PCDHGB2: variants seen among roughly 807,000 people sequenced by gnomAD.
The protein encoded by PCDHGB2 is protocadherin gamma-B2.
Under a neutral mutation model 59.3 loss-of-function variants are expected in PCDHGB2, and 55 were observed. The ratio of observed to expected loss-of-function variants is 0.93; its 90% CI spans 0.75 to 1.16. The LOEUF (loss-of-function observed/expected upper bound fraction) is 1.16. PCDHGB2 is among the 50% of genes most tolerant of loss of function. PCDHGB2 has a pLI of 0.00. For synonymous variants in PCDHGB2, 516 were observed against 512.0 expected (o/e 1.01, Z -0.11); for missense variants, 1,228 against 1,198.5 (o/e 1.02, Z -0.36).
intron 1 of PCDHGB2, chr5:141,403,099 C>T (rs762392585): frequency 2.5e-6 from 4 of 1,613,938 alleles, no homozygotes; most frequent in Non-Finnish European, 2.5e-6. Flanking sequence ...GCAACATCTC[C>T]AAGGACCTGG....
At chr5:141,395,340 G>A in intron 1 of PCDHGB2, 2 of 1,419,480 alleles carry the variant, frequency 1.4e-6, no homozygotes, top group Non-Finnish European at 1.9e-6. Context: ...TAATTTTTAA[G>A]GTGTATCACA....
intron 1 of PCDHGB2, chr5:141,370,851 G>T (rs903944197): frequency 6.2e-7 from 1 of 1,614,018 alleles, no homozygotes; most frequent in Non-Finnish European, 8.5e-7. Flanking sequence ...AGCCACATTT[G>T]CCCTGGAATC....
rs996153387 is a variant in PCDHGB2, at chr5:141,491,985, G to A, written c.2422-2822G>A. 24 of 743,298 alleles carry A rather than the reference G, an allele frequency of 3.2e-5. No homozygotes were observed. Among genetic ancestry groups the A allele is most frequent in the Non-Finnish European group, 4.5e-5 (22 of 494,254 alleles). 46.0% of individuals were successfully genotyped at this position (743,298 alleles called of 1,614,324 possible). On this transcript the variant is annotated intron_variant, in intron 1 of 3. Transcript: ENST00000522605. The surrounding 1 kb of genome is among the most constrained non-coding windows in gnomAD (Gnocchi z 6.9). ...AGGCCGGGGCCTCCTTCGAGCTTCC[G>A]GTGAATTTCGGGCGATTTCCGCGGG...
At chr5:141,461,794 C>T (rs191966750) in intron 1 of PCDHGB2, among the ~76,000 whole-genome samples, 7 of 152,134 alleles carry the variant, frequency 4.6e-5, no homozygotes, top group African/African-American at 1.7e-4. Flanking sequence ...GCTGGGATTA[C>T]AGGTGCCCAC....
At chr5:141,423,508 A>G (rs962526072) in intron 1 of PCDHGB2, 2 of 1,613,860 alleles carry the variant, frequency 1.2e-6, no homozygotes, top group African/African-American at 2.7e-5. Context: ...GGTCTCTCTC[A>G]TTGCGGACTC....
intron 1 of PCDHGB2, among the ~76,000 whole-genome samples, chr5:141,450,815 A>ATTATTAT (rs1554136868): frequency 7.9e-6 from 1 of 126,684 alleles, no homozygotes; most frequent in African/African-American, 3.3e-5. Context: ...TATTTATTTA[A>ATTATTAT]TATTATTATT....
chr5:141,499,689 CTTTTTTTT>C (rs545067566), intron 2 of PCDHGB2, among the ~76,000 whole-genome samples: 2 of 119,856 alleles, frequency 1.7e-5, no homozygotes, highest in Non-Finnish European at 3.5e-5. Flanking sequence ...TAACAGATGA[CTTTTTTTT>C]TTTTTTTTTT....
At chr5:141,374,794 C>G (rs369215509) in intron 1 of PCDHGB2, 6 of 1,613,916 alleles carry the variant, frequency 3.7e-6, no homozygotes, top group Non-Finnish European at 5.1e-6. Flanking sequence ...ATGTGAATGA[C>G]AACACTCCAA....
chr5:141,421,357 T>A lies in PCDHGB2; in HGVS notation c.2421+58801T>A, dbSNP rs761522510. ...GGTGCCAGAAGAGACCGAAAAGGGC[T>A]CCTTCGTGGGCAATATCTCCAAGGA... On this transcript the variant is annotated intron_variant, in intron 1 of 3. Coordinates refer to ENST00000522605, the MANE Select transcript of PCDHGB2 (RefSeq NM_018923.3). 4.3e-6 allele frequency: 7 copies of A among 1,613,976 alleles called. 1 individual carries two copies. The South Asian group carries it at 7.7e-5, about 18-fold the overall frequency.
chr5:141,383,031 T>C (rs778307271), intron 1 of PCDHGB2: 2 of 1,613,670 alleles, frequency 1.2e-6, no homozygotes, highest in African/African-American at 2.7e-5. Flanking sequence ...AAGGGTCCTT[T>C]GTGGGAGACA....
intron 1 of PCDHGB2, chr5:141,419,181 A>T (rs769321564): frequency 1.9e-6 from 3 of 1,613,858 alleles, no homozygotes; most frequent in Admixed American, 3.3e-5. Flanking sequence ...ATAACCCTGC[A>T]CATTACTGAC....
At chr5:141,414,497 A>C (rs757597548) in intron 1 of PCDHGB2, 4 of 1,613,922 alleles carry the variant, frequency 2.5e-6, no homozygotes, top group Non-Finnish European at 3.4e-6. Context: ...ACGGAAGCTC[A>C]CTTTATGCTA....
At chr5:141,449,349 G>A (rs191322076) in intron 1 of PCDHGB2, among the ~76,000 whole-genome samples, 2 of 151,956 alleles carry the variant, frequency 1.3e-5, no homozygotes, top group African/African-American at 4.8e-5. Flanking sequence ...GCTCACTCCT[G>A]TAATCCCAGC....
At chr5:141,388,405 C>A in intron 1 of PCDHGB2, 1 of 1,613,892 alleles carries the variant, frequency 6.2e-7, no homozygotes, top group Non-Finnish European at 8.5e-7. Context: ...CAACTCAGTC[C>A]CAGTGATCAT....
intron 3 of PCDHGB2, 73 bp from the exon 4 acceptor site, chr5:141,510,874 G>A (rs1419164967): frequency 3.7e-6 from 6 of 1,610,008 alleles, no homozygotes; most frequent in Admixed American, 1.7e-5. Context: ...TTCATTAACT[G>A]CTGGGGATAT....
At position 141,376,180 on chromosome 5, in the gene PCDHGB2, G is replaced by C. The variant is rs113596971; in HGVS notation, c.2421+13624G>C. On this transcript the variant is annotated intron_variant, in intron 1 of 3. Transcript: ENST00000522605. Reference sequence around the variant, plus strand: ...TGTACCTGGTGGTGGCGGTGGCCGCGGTCTCCTGCGTCTTCCTGGCCTTCG... The same window carrying C: ...TGTACCTGGTGGTGGCGGTGGCCGCCGTCTCCTGCGTCTTCCTGGCCTTCG... The C allele has an allele frequency of 1.9e-3, 3,099 of 1,614,100 alleles. 61 individuals are homozygous for C. The African/African-American group carries it at 0.034, about 18-fold the overall frequency.
intron 1 of PCDHGB2, among the ~76,000 whole-genome samples, chr5:141,452,103 TTTCTC>T (rs1428635203): frequency 1.3e-5 from 2 of 152,186 alleles, no homozygotes; most frequent in African/African-American, 4.8e-5. Context: ...AGAGCTTTCT[TTTCTC>T]TTCTTATTTA....
rs1054012796 is a variant in PCDHGB2 at position 141,420,071 on chromosome 5, G to C, written c.2421+57515G>C. The C allele has an allele frequency of 6.2e-7, 1 of 1,614,050 alleles. No individual in the cohort carries two copies. On this transcript the variant is annotated intron_variant, in intron 1 of 3. Coordinates refer to ENST00000522605, the MANE Select transcript of PCDHGB2 (RefSeq NM_018923.3). ...AGTTCTCTGCTCCAAGTCCGGACCT[G>C]TGGGTCCCCCCAACTACAGTGAGGG...
intron 1 of PCDHGB2, chr5:141,414,452 T>C (rs767824112): frequency 6.2e-7 from 1 of 1,613,886 alleles, no homozygotes. Flanking sequence ...AATATCACAG[T>C]GACAGCCACA....
Sources: allele counts gnomAD v4.1 joint callset (sites outside exome capture counted in the v4.1 genomes callset), GRCh38; gene constraint gnomAD v4.1.1; non-coding constraint Gnocchi (gnomAD v3.1); transcripts MANE v1.5; gene names NCBI Gene and HGNC (gene_info 2026-07-23, HGNC 2026-07-21).